Variants in DOCK8 observed in about 807,000 individuals in gnomAD.
The protein encoded by DOCK8 is dedicator of cytokinesis 8.
In DOCK8, 141 loss-of-function variants were observed where a neutral mutation model predicts 245.6. The ratio of observed to expected loss-of-function variants is 0.57; its 90% CI spans 0.50 to 0.66. The LOEUF is 0.66. DOCK8 is among the 30% of genes least tolerant of loss of function. DOCK8 has a pLI of 0.00. For missense variants in DOCK8, 2,965 were observed against 2,603.4 expected (o/e 1.14, Z -3.02); for synonymous variants, 1,168 against 970.2 (o/e 1.20, Z -3.79).
intron 37 of DOCK8, 93 bp from the exon 38 acceptor site, chr9:433,782 T>C: frequency 9.4e-7 from 1 of 1,062,278 alleles, no homozygotes; most frequent in Non-Finnish European, 1.5e-6. Context: ...GATCCAACCC[T>C]TCCCATGGCT....
intron 4 of DOCK8, among the ~76,000 whole-genome samples, chr9:297,433 G>A (rs918188865): frequency 1.3e-5 from 2 of 152,176 alleles, no homozygotes; most frequent in Non-Finnish European, 2.9e-5. Flanking sequence ...TTAGAATAGT[G>A]TTTTAAGAAA....
At chr9:264,893 G>C (rs1378030968) in intron 1 of DOCK8, among the ~76,000 whole-genome samples, 4 of 152,086 alleles carry the variant, frequency 2.6e-5, no homozygotes, top group Non-Finnish European at 5.9e-5. Flanking sequence ...TTCAAAGTCA[G>C]TTTTTCTACA....
In DOCK8 at chr9:332,152, T is replaced by A. The variant is rs1536609; in HGVS notation, c.1045-246T>A. Among the ~76,000 whole-genome samples, 97,243 of 151,996 alleles carry A rather than the reference T, an allele frequency of 0.64. 31,267 individuals carry two copies. The highest frequency in any genetic ancestry group is 0.76 in the South Asian group (3,658 of 4,822). On this transcript the variant is annotated intron_variant, in intron 9 of 47. Coordinates refer to ENST00000432829, the MANE Select transcript of DOCK8 (RefSeq NM_203447.4). ...TCACACATAATCCCACCATAGAAAG[T>A]TAACTACTATTAACACTTGCTGCAT...
At chr9:260,304 A>G (rs567245617) in intron 1 of DOCK8, among the ~76,000 whole-genome samples, 1 of 152,186 alleles carries the variant, frequency 6.6e-6, no homozygotes, top group African/African-American at 2.4e-5. Flanking sequence ...AAACAAAGGG[A>G]TTAACTTTAC....
intron 46 of DOCK8, among the ~76,000 whole-genome samples, chr9:457,586 G>A (rs1323996398): frequency 6.6e-6 from 1 of 152,156 alleles, no homozygotes; most frequent in Non-Finnish European, 1.5e-5. Context: ...TGAGACATTG[G>A]CCTGGGAGCA....
In DOCK8 at chr9:419,888, G is replaced by A. The variant is rs574059808; in HGVS notation, c.3841-513G>A. Among the ~76,000 whole-genome samples the A allele has an allele frequency of 1.2e-4, 19 of 152,320 alleles. No homozygotes were observed. In the South Asian group the frequency reaches 3.7e-3, roughly 30 times the overall value. On this transcript the variant is annotated intron_variant, in intron 30 of 47. Transcript: ENST00000432829. The stretch of plus-strand genomic sequence containing the variant: ...AACATGGATTTGATTAATTTGCTGA[G>A]CAGTTCATGACCCTTATGTTATACT...
At chr9:335,882 T>A (rs1453817351) in intron 11 of DOCK8, among the ~76,000 whole-genome samples, 3 of 152,258 alleles carry the variant, frequency 2.0e-5, no homozygotes, top group African/African-American at 7.2e-5. Context: ...CAAAGACGGG[T>A]TGGAACTGCT....
Position 403,903 on chromosome 9 carries a change from TATATATATATATAC to T in DOCK8, c.3235-1002_3235-989del, listed in dbSNP as rs1564021109. 8.0e-3 allele frequency among the ~76,000 whole-genome samples: 662 copies of T among 82,614 alleles called. 13 individuals carry two copies. Among genetic ancestry groups the T allele is most frequent in the African/African-American group, 0.045 (566 of 12,526 alleles). 54.2% of individuals were successfully genotyped at this position (82,614 alleles called of 152,430 possible). A position where few individuals can be genotyped will look rare whatever the true frequency, so the allele number is the denominator to read the frequency against. On this transcript the variant is annotated intron_variant, in intron 26 of 47. Transcript: ENST00000432829. ...CTCTCTCTCTCTCTCTATATATATA[TATATATATATATAC>T]ATATATATATATGTGTATATATATA...
intron 3 of DOCK8, among the ~76,000 whole-genome samples, chr9:287,944 C>CA (rs1347455119): frequency 1.3e-5 from 2 of 151,882 alleles, no homozygotes; most frequent in African/African-American, 4.8e-5. Flanking sequence ...GAGGCTGAGG[C>CA]AAGAGGATCA....
chr9:390,404 G>GA lies in DOCK8; in HGVS notation c.2875-60dup, dbSNP rs952243689. The GA allele has an allele frequency of 4.1e-6, 6 of 1,446,182 alleles. No homozygotes were observed. In the African/African-American group the frequency reaches 5.6e-5, roughly 14 times the overall value. The allele number at this position is 1,446,182 out of a possible 1,614,324, so 89.6% of individuals were successfully genotyped here. A position where few individuals can be genotyped will look rare whatever the true frequency, so the allele number is the denominator to read the frequency against. ...TTAAATTGGGGGGAATAAAAGAAAA[G>GA]AAAAAAAGTGTTGGTGAATAATAAT... On this transcript the variant is annotated intron_variant, in intron 23 of 47. Transcript: ENST00000432829.
At chr9:351,391 C>T (rs577168912) in intron 14 of DOCK8, among the ~76,000 whole-genome samples, 1 of 152,256 alleles carries the variant, frequency 6.6e-6, no homozygotes, top group South Asian at 2.1e-4. Flanking sequence ...GAAAAGGGCC[C>T]CAGTAGGGAG....
At chr9:419,292 G>A (rs534985816) in intron 30 of DOCK8, among the ~76,000 whole-genome samples, 1 of 152,312 alleles carries the variant, frequency 6.6e-6, no homozygotes, top group East Asian at 1.9e-4. Flanking sequence ...GGATTGGGGG[G>A]ACAGTGAGGC....
chr9:224,596 G>A (rs762400535), intron 1 of DOCK8, among the ~76,000 whole-genome samples: 2 of 152,132 alleles, frequency 1.3e-5, no homozygotes, highest in Non-Finnish European at 2.9e-5. Context: ...GCCATACAGA[G>A]CAATATTCAG....
intron 16 of DOCK8, 53 bp from the exon 17 acceptor site, chr9:371,375 G>A: frequency 3.7e-6 from 6 of 1,609,348 alleles, no homozygotes; most frequent in Non-Finnish European, 5.1e-6. Flanking sequence ...TACAATCAGA[G>A]AAGTCATCAT....
In DOCK8 at chr9:336,590, T is replaced by A; in HGVS notation, c.1294T>A (p.Ser432Thr). 2 of 1,614,182 alleles carry A rather than the reference T, an allele frequency of 1.2e-6. No homozygotes were observed. The highest frequency in any genetic ancestry group is 1.7e-6 in the Non-Finnish European group (2 of 1,180,012). Residue 432 changes from serine to threonine, a missense_variant, in exon 12 of 48, where the codon TCA (serine) becomes ACA (threonine). Physicochemically the swap from Ser to Thr is moderately conservative, Grantham distance 58. Around this residue, in one of 3 missense-constraint regions of DOCK8, gnomAD observed 2,825 missense variants for 2,453.5 expected, o/e 1.15. Transcript: ENST00000432829. ...AATTGTTTTTCTTAAAGGGAGAAGC[T>A]CAGTGGGTGAACGGAGGACATTGGC... ...TDVDSVVGRS[S>T]VGERRTLAQS... is the part of the protein sequence containing the mutation.
chr9:429,848 C>G lies in DOCK8; in HGVS notation c.4620C>G (p.Ala1540=), dbSNP rs761144966. The G allele has an allele frequency of 6.2e-7, 1 of 1,614,054 alleles. No individual in the cohort carries two copies. The highest frequency in any genetic ancestry group is 1.7e-5 in the Admixed American group (1 of 59,986). The change falls in exon 36 of 48, where the codon GCC becomes GCG. Residue 1540 remains alanine (A), a synonymous_variant. Transcript: ENST00000432829. ...TCCTCATGAGGTTCAGTTTTGGAGC[C>G]ACCAGTGTAAGAGTTCAAACCAGCT... The part of the protein sequence containing the change: ...LYLLMRFSFG[A]TSNFARVKMQ...
rs2057909441 is a variant in DOCK8 at position 464,416 on chromosome 9, G to T, written c.*197G>T. On this transcript the variant is annotated 3_prime_UTR_variant, in exon 48 of 48. Transcript: ENST00000432829. The stretch of plus-strand genomic sequence containing the variant: ...TCTGACCAGATTTTTGCCATACTGG[G>T]GGGTGGCGGGATGGAGGATGGGTAC... 6.2e-6 allele frequency: 4 copies of T among 644,376 alleles called. No individual in the cohort carries two copies. The highest frequency in any genetic ancestry group is 5.3e-5 in the South Asian group (3 of 56,416). The allele number at this position is 644,376 out of a possible 1,614,324, so 39.9% of individuals were successfully genotyped here.
At chr9:455,080 A>C (rs908496854) in intron 46 of DOCK8, among the ~76,000 whole-genome samples, 1 of 152,194 alleles carries the variant, frequency 6.6e-6, no homozygotes, top group Non-Finnish European at 1.5e-5. Context: ...GTGATTCCAC[A>C]TGGGAACCAG....
chr9:376,523 A>G (rs2053523559), intron 19 of DOCK8, among the ~76,000 whole-genome samples: 1 of 152,230 alleles, frequency 6.6e-6, no homozygotes, highest in African/African-American at 2.4e-5. Context: ...AGAACCTAGT[A>G]TCTGCACTGT....
Sources: gnomAD v4.1 joint callset for allele counts (sites outside exome capture counted in the v4.1 genomes callset) on GRCh38, gnomAD v4.1.1 for gene constraint, gnomAD v4.1.1 regional missense constraint, MANE v1.5 for transcripts, NCBI Gene and HGNC (gene_info 2026-07-23, HGNC 2026-07-21) for gene names.